Variants in NEIL1 observed in about 807,000 individuals in gnomAD.
NEIL1 encodes the protein nei like DNA glycosylase 1.
Under a neutral mutation model 44.2 loss-of-function variants are expected in NEIL1, and 31 were observed. That is an observed-to-expected ratio of 0.70 (90% CI 0.53 to 0.95). The LOEUF (loss-of-function observed/expected upper bound fraction) is 0.95, where lower values mean the gene tolerates loss of function less well. Among genes scored for constraint, NEIL1 ranks in the 40% least tolerant of loss-of-function variants. The probability of loss-of-function intolerance (pLI) is 0.00; values close to 1 mark genes in which losing one functional copy is unlikely to be tolerated. For missense variants in NEIL1, 549 were observed against 515.5 expected, an observed-to-expected ratio of 1.07 and a Z score of -0.63; for synonymous variants, 254 against 209.7, an observed-to-expected ratio of 1.21 and a Z score of -1.83.
rs759956046 is a variant in NEIL1 at position 75,354,734 on chromosome 15, C to G, written c.1018C>G (p.Pro340Ala). 1.2e-6 allele frequency: 2 copies of G among 1,614,140 alleles called. No individual in the cohort carries two copies. Among genetic ancestry groups the G allele is most frequent in the Admixed American group, 1.7e-5 (1 of 60,018 alleles). The change falls in exon 9 of 10, where the codon CCT becomes GCT. Residue 340 changes from proline (P) to alanine (A), a missense_variant. Coordinates refer to ENST00000355059, the MANE Select transcript of NEIL1 (RefSeq NM_024608.4). The part of the protein sequence containing the change: ...DLPKRTATQR[P>A]EGTSLQQDPE... ...TCCTAAGAGGACTGCAACCCAGCGGCCTGAGGGGACCAGCCTCCAGCAGGA... is the reference window on the plus strand; with the variant it reads ...TCCTAAGAGGACTGCAACCCAGCGGGCTGAGGGGACCAGCCTCCAGCAGGA...
intron 1 of NEIL1, 78 bp from the exon 2 acceptor site, chr15:75,348,806 T>G: frequency 6.5e-7 from 1 of 1,534,608 alleles, no homozygotes; most frequent in South Asian, 1.2e-5. Flanking sequence ...CTCCGAGTTC[T>G]CCTCTAAAAA....
At chr15:75,351,876 C>T (rs1337765663) in intron 2 of NEIL1, 1 of 451,178 alleles carries the variant, frequency 2.2e-6, no homozygotes, top group East Asian at 4.6e-5. Context: ...CCCGCCTCGG[C>T]CTCCCAAAGT....
At chr15:75,348,831 G>T in intron 1 of NEIL1, 53 bp from the exon 2 acceptor site, 9 of 1,557,356 alleles carry the variant, frequency 5.8e-6, no homozygotes, top group Non-Finnish European at 7.8e-6. Flanking sequence ...GCTGACAGCC[G>T]CTACCTCACA....
At chr15:75,354,002 C>T (rs573480718) in intron 6 of NEIL1, 136 bp downstream of exon 6, 101 of 1,230,658 alleles carry the variant, frequency 8.2e-5, no homozygotes, top group Non-Finnish European at 1.1e-4. Flanking sequence ...GAGGGTCACA[C>T]CCCTCCCCTC....
chr15:75,347,881 A>G, intron 1 of NEIL1: 1 of 1,204,578 alleles, frequency 8.3e-7, no homozygotes, highest in Admixed American at 2.8e-5. Context: ...TGTGGGTGCC[A>G]GGCCAGGGGC....
intron 2 of NEIL1, 55 bp from the exon 3 acceptor site, chr15:75,352,056 C>T (rs1363921629): frequency 6.3e-7 from 1 of 1,594,242 alleles, no homozygotes; most frequent in African/African-American, 1.3e-5. Flanking sequence ...AGCCCCTCTC[C>T]CCATCCCATG....
At position 75,356,502 on chromosome 15, in the gene NEIL1, T is replaced by A; in HGVS notation, c.*1468T>A. 6.4e-7 allele frequency: 1 copy of A among 1,565,332 alleles called. No individual in the cohort carries two copies. Among genetic ancestry groups the A allele is most frequent in the South Asian group, 1.2e-5 (1 of 85,194 alleles). Reference sequence around the variant, plus strand: ...GTGGAGAATGGGGGCTACCCTCCCCTGTCCCTAGAAGGGGCAGGAAGCCAG... The same window carrying A: ...GTGGAGAATGGGGGCTACCCTCCCCAGTCCCTAGAAGGGGCAGGAAGCCAG... On this transcript the variant is annotated 3_prime_UTR_variant, in exon 10 of 10. Coordinates refer to ENST00000355059, the MANE Select transcript of NEIL1 (RefSeq NM_024608.4). This position sits in a 1 kb window ranked among gnomAD's most constrained non-coding sequence, Gnocchi z 5.8.
chr15:75,348,934 C>T lies in NEIL1; in HGVS notation c.29C>T (p.Ala10Val). 1.5e-5 allele frequency: 24 copies of T among 1,612,830 alleles called. No homozygotes were observed. The highest frequency in any genetic ancestry group is 1.9e-5 in the Non-Finnish European group (23 of 1,180,002). ...CCTGAGGGCCCCGAGCTGCACCTGGCCAGCCAGTTTGTGAATGAGGCCTGC... is the reference window on the plus strand; with the variant it reads ...CCTGAGGGCCCCGAGCTGCACCTGGTCAGCCAGTTTGTGAATGAGGCCTGC... Reference protein sequence around the residue: MPEGPELHLASQFVNEACRA... With the variant: MPEGPELHLVSQFVNEACRA... Residue 10 changes from alanine (A) to valine (V), a missense_variant, in exon 2 of 10, where the codon GCC (alanine) becomes GTC (valine). By Grantham distance (64) the Ala-to-Val change is moderately conservative. Transcript: ENST00000355059.
In NEIL1 at chr15:75,354,328, C is replaced by T. The variant is rs769644307; in HGVS notation, c.874+51C>T. On this transcript the variant is annotated intron_variant, in intron 7 of 9. Coordinates refer to ENST00000355059, the MANE Select transcript of NEIL1 (RefSeq NM_024608.4). The stretch of plus-strand genomic sequence containing the variant: ...TAAGAGAGCAGAAAGGACTTCACGC[C>T]TGCAAGGGCTACAGCACCCTTCTCC... 7.4e-6 allele frequency: 12 copies of T among 1,612,520 alleles called. No homozygotes were observed. The Middle Eastern group carries it at 5.0e-4, about 67-fold the overall frequency.
chr15:75,354,489 G>C lies in NEIL1; in HGVS notation c.933G>C (p.Val311=), dbSNP rs768885800. 6.2e-7 allele frequency: 1 copy of C among 1,614,062 alleles called. No individual in the cohort carries two copies. The highest frequency in any genetic ancestry group is 8.5e-7 in the Non-Finnish European group (1 of 1,180,018). Reference sequence around the variant, plus strand: ...CACAGCTGAGTCCTGAGGACAGAGTGGAGGTATGGCTGCCTGCTCCCGCCT... The same window carrying C: ...CACAGCTGAGTCCTGAGGACAGAGTCGAGGTATGGCTGCCTGCTCCCGCCT... ...KATQLSPEDR[V]EDALPPSKAP... is the part of the protein sequence containing the mutation. The change falls in exon 8 of 10, where the codon GTG becomes GTC. Residue 311 remains valine (V), a synonymous_variant. Transcript: ENST00000355059.
chr15:75,354,709 T>C lies in NEIL1; in HGVS notation c.993T>C (p.Leu331=), dbSNP rs1270497718. ...GGACACGAAGGGCAAAGAGAGACCTTCCTAAGAGGACTGCAACCCAGCGGC... is the reference window on the plus strand; with the variant it reads ...GGACACGAAGGGCAAAGAGAGACCTCCCTAAGAGGACTGCAACCCAGCGGC... The part of the protein sequence containing the change: ...PSRTRRAKRD[L]PKRTATQRPE... Residue 331 remains leucine (L), a synonymous_variant, in exon 9 of 10, where the codon CTT becomes CTC. Coordinates refer to ENST00000355059, the MANE Select transcript of NEIL1 (RefSeq NM_024608.4). The C allele has an allele frequency of 1.9e-6, 3 of 1,614,128 alleles. No individual in the cohort carries two copies. Among genetic ancestry groups the C allele is most frequent in the Non-Finnish European group, 1.7e-6 (2 of 1,180,028 alleles).
intron 1 of NEIL1, chr15:75,347,692 G>GT (rs1270362990): frequency 7.3e-6 from 4 of 548,340 alleles, no homozygotes; most frequent in African/African-American, 2.0e-5. Context: ...GGATCGGGTT[G>GT]TGGGGGGTGC....
Position 75,355,825 on chromosome 15 carries a change from AC to A in NEIL1, c.*792del, listed in dbSNP as rs1398340368. On this transcript the variant is annotated 3_prime_UTR_variant, in exon 10 of 10. Transcript: ENST00000355059. ...CCAAGGATTTATTCCACAAGAAAAG[AC>A]TGATCCCTGCTTTAGGCTGGGGAAG... The A allele has an allele frequency of 5.2e-6, 8 of 1,542,876 alleles. No homozygotes were observed. Among genetic ancestry groups the A allele is most frequent in the African/African-American group, 2.8e-5 (2 of 72,590 alleles).
In NEIL1 at chr15:75,349,238, C is replaced by A; in HGVS notation, c.333C>A (p.Ala111=). 1 of 1,610,864 alleles carries A rather than the reference C, an allele frequency of 6.2e-7. No individual in the cohort carries two copies. Among genetic ancestry groups the A allele is most frequent in the Non-Finnish European group, 8.5e-7 (1 of 1,179,888 alleles). Residue 111 remains alanine (A), a synonymous_variant, in exon 2 of 10, where the codon GCC becomes GCA. Coordinates refer to ENST00000355059, the MANE Select transcript of NEIL1 (RefSeq NM_024608.4). ...CGGCCCCGCCTGGCCCCCGGCTCGC[C>A]CTATGTTTCGTGGACATCCGCCGGT... ...FYTAPPGPRL[A]LCFVDIRRFG...
In NEIL1 at chr15:75,355,688, G is replaced by T; in HGVS notation, c.*654G>T. ...GACCCTGCACGCACAGGTACCTTAG[G>T]ATCTTGCCCCTACCCACCAAATACC... On this transcript the variant is annotated 3_prime_UTR_variant, in exon 10 of 10. Transcript: ENST00000355059. The T allele has an allele frequency of 1.8e-6, 1 of 563,572 alleles. No individual in the cohort carries two copies. Among genetic ancestry groups the T allele is most frequent in the Non-Finnish European group, 3.1e-6 (1 of 319,944 alleles). The allele number at this position is 563,572 out of a possible 1,614,324, so 34.9% of individuals were successfully genotyped here.
rs1041105992 is a variant in NEIL1, at chr15:75,352,897, C to T, written c.718+196C>T. ...GCTCATGCCTGTAATCCCAGCACTTCGGGAGGCCGAGTGGGGTGGCTCACC... is the reference window on the plus strand; with the variant it reads ...GCTCATGCCTGTAATCCCAGCACTTTGGGAGGCCGAGTGGGGTGGCTCACC... On this transcript the variant is annotated intron_variant, in intron 5 of 9. Transcript: ENST00000355059. The T allele has an allele frequency of 2.0e-5, 11 of 544,998 alleles. No individual in the cohort carries two copies. In the Admixed American group the frequency reaches 2.7e-4, roughly 13 times the overall value. The allele number at this position is 544,998 out of a possible 1,614,324, so 33.8% of individuals were successfully genotyped here.
intron 2 of NEIL1, 136 bp from the exon 3 acceptor site, chr15:75,351,975 A>G (rs1595860617): frequency 2.6e-6 from 2 of 763,274 alleles, no homozygotes; most frequent in East Asian, 2.7e-5. Context: ...CAGATAGGAA[A>G]ACGGGGGCAG....
At chr15:75,350,042 T>C (rs964840161) in intron 2 of NEIL1, among the ~76,000 whole-genome samples, 2 of 152,194 alleles carry the variant, frequency 1.3e-5, no homozygotes, top group African/African-American at 4.8e-5. Context: ...GGGAGGGGAC[T>C]ATCTCATGAC....
In NEIL1 at chr15:75,352,378, G is replaced by A; in HGVS notation, c.609G>A (p.Gln203=). The A allele has an allele frequency of 6.2e-7, 1 of 1,613,786 alleles. No homozygotes were observed. The highest frequency in any genetic ancestry group is 8.5e-7 in the Non-Finnish European group (1 of 1,180,030). ...GCTCGGTCCTGGAGGCCCTGCAGCA[G>A]CACAGGCCGGTAAGCCCAGAGAGGG... ...KARSVLEALQ[Q]HRPSPELTLS... The change falls in exon 4 of 10, where the codon CAG becomes CAA. Residue 203 remains glutamine (Q), a synonymous_variant. Coordinates refer to ENST00000355059, the MANE Select transcript of NEIL1 (RefSeq NM_024608.4).
Sources: gnomAD v4.1 joint callset for allele counts (sites outside exome capture counted in the v4.1 genomes callset) on GRCh38, gnomAD v4.1.1 for gene constraint, Gnocchi (gnomAD v3.1) non-coding constraint, MANE v1.5 for transcripts, NCBI Gene and HGNC (gene_info 2026-07-23, HGNC 2026-07-21) for gene names.